The following LHFPL3 variants were observed in gnomAD, a reference collection of about 807,000 sequenced individuals.
LHFPL3 encodes the protein LHFPL tetraspan subfamily member 3 protein.
Under a neutral mutation model 19.3 loss-of-function variants are expected in LHFPL3, and 5 were observed. The observed-to-expected ratio is 0.26, with a 90% CI of 0.14 to 0.54. The LOEUF (loss-of-function observed/expected upper bound fraction) is 0.54, where lower values mean the gene tolerates loss of function less well. LHFPL3 is among the 20% of genes least tolerant of loss of function. The probability of loss-of-function intolerance (pLI) is 0.94; values close to 1 mark genes in which losing one functional copy is unlikely to be tolerated. For missense variants in LHFPL3, 249 were observed against 307.4 expected (o/e 0.81, Z 1.42); for synonymous variants, 133 against 126.2 (o/e 1.05, Z -0.36).
chr7:104,762,350 T>A (rs961288193), intron 2 of LHFPL3, among the ~76,000 whole-genome samples: 1 of 152,164 alleles, frequency 6.6e-6, no homozygotes, highest in African/African-American at 2.4e-5. Flanking sequence ...ATCTAGAATG[T>A]CATGACCAAT....
chr7:104,559,610 A>C (rs1293820106), intron 1 of LHFPL3, among the ~76,000 whole-genome samples: 1 of 152,154 alleles, frequency 6.6e-6, no homozygotes, highest in Non-Finnish European at 1.5e-5. Flanking sequence ...TAGATATACA[A>C]TCATGTCATC....
chr7:104,459,699 A>G (rs1173373082), intron 1 of LHFPL3, among the ~76,000 whole-genome samples: 1 of 152,224 alleles, frequency 6.6e-6, no homozygotes, highest in Non-Finnish European at 1.5e-5. Context: ...ATAAATAGCT[A>G]GAGGGCTTTA....
chr7:104,860,675 A>C (rs1791600946), intron 2 of LHFPL3, among the ~76,000 whole-genome samples: 2 of 152,252 alleles, frequency 1.3e-5, no homozygotes, highest in South Asian at 4.1e-4. Flanking sequence ...TATATGTAAC[A>C]GTTTAAAAGT....
chr7:104,687,833 A>G (rs746472348), intron 1 of LHFPL3, among the ~76,000 whole-genome samples: 12 of 152,210 alleles, frequency 7.9e-5, no homozygotes, highest in Non-Finnish European at 1.5e-4. Flanking sequence ...GGGAATGAGA[A>G]TCTTATATTT....
intron 1 of LHFPL3, among the ~76,000 whole-genome samples, chr7:104,680,213 C>T (rs985748876): frequency 6.6e-6 from 1 of 152,234 alleles, no homozygotes; most frequent in Non-Finnish European, 1.5e-5. Flanking sequence ...GGTGATGTGG[C>T]CACTCAATCA....
rs539494509 is a variant in LHFPL3, at chr7:104,810,145, C to G, written c.682+73234C>G. Among the ~76,000 whole-genome samples, 7 of 152,246 alleles carry G rather than the reference C, an allele frequency of 4.6e-5. No individual in the cohort carries two copies. The East Asian group carries it at 1.4e-3, about 29-fold the overall frequency. ...AGAGAGAGCATGGGCACAGTGCTTC[C>G]TAACACCTGAAGTTCTTAGTGCCTA... On this transcript the variant is annotated intron_variant, in intron 2 of 2. Transcript: ENST00000424859.
At chr7:104,736,496 C>T (rs1046760594) in intron 1 of LHFPL3, among the ~76,000 whole-genome samples, 179 bp from the exon 2 acceptor site, 3 of 141,074 alleles carry the variant, frequency 2.1e-5, no homozygotes, top group Admixed American at 1.4e-4. Context: ...CACACGTGCA[C>T]GTTTGCATGC....
chr7:104,629,442 G>A (rs1319061406), intron 1 of LHFPL3, among the ~76,000 whole-genome samples: 1 of 152,146 alleles, frequency 6.6e-6, no homozygotes, highest in Non-Finnish European at 1.5e-5. Context: ...CTACAAGCCA[G>A]TGTTGATCAC....
At chr7:104,878,494 A>G (rs2116676996) in intron 2 of LHFPL3, among the ~76,000 whole-genome samples, 1 of 152,280 alleles carries the variant, frequency 6.6e-6, no homozygotes, top group South Asian at 2.1e-4. Context: ...CCGCACCCAT[A>G]TAAGATGGCA....
chr7:104,667,182 G>C (rs1244712400), intron 1 of LHFPL3, among the ~76,000 whole-genome samples: 1 of 150,746 alleles, frequency 6.6e-6, no homozygotes, highest in Non-Finnish European at 1.5e-5. Context: ...ATAATAGCCA[G>C]CTTTTAAATG....
intron 1 of LHFPL3, among the ~76,000 whole-genome samples, chr7:104,406,431 C>A (rs1358581960): frequency 6.6e-6 from 1 of 151,862 alleles, no homozygotes; most frequent in Non-Finnish European, 1.5e-5. Context: ...ATTGTCTATC[C>A]ACTATGTGCC....
intron 1 of LHFPL3, among the ~76,000 whole-genome samples, chr7:104,710,168 A>C (rs1463172830): frequency 6.6e-6 from 1 of 152,226 alleles, no homozygotes; most frequent in Non-Finnish European, 1.5e-5. Flanking sequence ...CAAAAAAATC[A>C]GGGATGTCAT....
At chr7:104,439,129 G>T (rs1792169081) in intron 1 of LHFPL3, among the ~76,000 whole-genome samples, 1 of 152,084 alleles carries the variant, frequency 6.6e-6, no homozygotes, top group Non-Finnish European at 1.5e-5. Flanking sequence ...TGAGTTCTAG[G>T]CAGTTTCACT....
chr7:104,477,477 A>G (rs1793044155), intron 1 of LHFPL3, among the ~76,000 whole-genome samples: 1 of 152,210 alleles, frequency 6.6e-6, no homozygotes, highest in African/African-American at 2.4e-5. Context: ...TAATCAAATA[A>G]TCACATGAAA....
intron 1 of LHFPL3, among the ~76,000 whole-genome samples, chr7:104,651,498 G>T (rs1413975350): frequency 6.6e-6 from 1 of 152,218 alleles, no homozygotes; most frequent in African/African-American, 2.4e-5. Context: ...TCAAATGCTT[G>T]CCCTGGCACA....
At chr7:104,408,331 T>A (rs1791459758) in intron 1 of LHFPL3, among the ~76,000 whole-genome samples, 1 of 149,856 alleles carries the variant, frequency 6.7e-6, no homozygotes, top group Non-Finnish European at 1.5e-5. Context: ...AAGGGTTAAT[T>A]GTTGAGCTCC....
intron 1 of LHFPL3, among the ~76,000 whole-genome samples, chr7:104,477,636 T>C (rs950218949): frequency 2.0e-5 from 3 of 151,534 alleles, no homozygotes; most frequent in African/African-American, 7.3e-5. Flanking sequence ...CAGGAAAAAA[T>C]AACTATTGGG....
At chr7:104,793,348 C>G (rs568421137) in intron 2 of LHFPL3, among the ~76,000 whole-genome samples, 3 of 152,234 alleles carry the variant, frequency 2.0e-5, no homozygotes, top group Admixed American at 2.0e-4. Flanking sequence ...TTTAAATCAA[C>G]ATGAAAGCAG....
intron 1 of LHFPL3, among the ~76,000 whole-genome samples, chr7:104,641,826 G>C (rs1791841174): frequency 6.6e-6 from 1 of 151,926 alleles, no homozygotes; most frequent in South Asian, 2.1e-4. Flanking sequence ...TTATTTATAG[G>C]TATAGAAAAA....
Sources: allele counts gnomAD v4.1 joint callset (sites outside exome capture counted in the v4.1 genomes callset), GRCh38; gene constraint gnomAD v4.1.1; transcripts MANE v1.5; gene names NCBI Gene and HGNC (gene_info 2026-07-23, HGNC 2026-07-21).